Variants in ROBO2 observed in about 807,000 individuals in gnomAD.
ROBO2 encodes roundabout homolog 2.
ROBO2 carries 53 observed loss-of-function variants against 160.8 expected under a neutral mutation model. The observed-to-expected ratio is 0.33, with a 90% CI of 0.26 to 0.41. The LOEUF is 0.41. ROBO2 is among the 10% of genes least tolerant of loss of function. ROBO2 has a pLI of 1.00. For synonymous variants in ROBO2, 664 were observed against 611.7 expected (o/e 1.09, Z -1.26); for missense variants, 1,577 against 1,722.4 (o/e 0.92, Z 1.49).
chr3:76,411,299 G>C (rs1293480388), intron 2 of ROBO2, among the ~76,000 whole-genome samples: 1 of 152,112 alleles, frequency 6.6e-6, no homozygotes, highest in East Asian at 1.9e-4. Context: ...CATGGTTCTT[G>C]TTCTCTAGGA....
At chr3:77,449,893 C>A (rs572717616) in intron 2 of ROBO2, among the ~76,000 whole-genome samples, 1 of 151,990 alleles carries the variant, frequency 6.6e-6, no homozygotes, top group Non-Finnish European at 1.5e-5. Context: ...GACCTTCTTG[C>A]GATGCACAAT....
chr3:76,678,612 T>A (rs1422453932), intron 2 of ROBO2, among the ~76,000 whole-genome samples: 1 of 152,200 alleles, frequency 6.6e-6, no homozygotes, highest in Non-Finnish European at 1.5e-5. Flanking sequence ...GTTTTTACAA[T>A]TACTCTTTAT....
At chr3:77,376,154 C>CTTTTTTTTTT (rs11425201) in intron 2 of ROBO2, among the ~76,000 whole-genome samples, 16 of 115,544 alleles carry the variant, frequency 1.4e-4, no homozygotes, top group Admixed American at 4.2e-4. Context: ...ATTTAACTTT[C>CTTTTTTTTTT]TTTTTTTTTT....
At position 77,151,333 on chromosome 3, in the gene ROBO2, G is replaced by A. The variant is rs185025868; in HGVS notation, c.388+52993G>A. 6.8e-3 allele frequency among the ~76,000 whole-genome samples: 1,037 copies of A among 152,092 alleles called. 12 individuals are homozygous for A. The highest frequency in any genetic ancestry group is 7.7e-3 in the Non-Finnish European group (526 of 67,976). ...CTAACTGGATTCAGAAAATGCTACC[G>A]AATTAAAATTATAATTTATCTGGGT... On this transcript the variant is annotated intron_variant, in intron 2 of 25. Transcript: ENST00000461745.
intron 2 of ROBO2, among the ~76,000 whole-genome samples, chr3:76,677,914 C>T (rs1273188891): frequency 7.2e-6 from 1 of 139,552 alleles, no homozygotes; most frequent in Non-Finnish European, 1.5e-5. Flanking sequence ...ACTTTTATGA[C>T]TAACCTATAG....
intron 2 of ROBO2, among the ~76,000 whole-genome samples, chr3:76,687,454 A>G (rs925860006): frequency 6.6e-6 from 1 of 152,028 alleles, no homozygotes; most frequent in African/African-American, 2.4e-5. Context: ...AAGTATGAAC[A>G]CTCCCAGGGC....
At position 76,873,659 on chromosome 3, in the gene ROBO2, G is replaced by C. The variant is rs374498513; in HGVS notation, c.110-224355G>C. Among the ~76,000 whole-genome samples the C allele has an allele frequency of 1.7e-4, 26 of 152,180 alleles. No individual in the cohort carries two copies. In the South Asian group the frequency reaches 5.0e-3, roughly 29 times the overall value. ...TTGCCCAGGATGGTCTCAAACTCCA[G>C]GGCTCAAAGGGTTCTCCTGCTTCAG... On this transcript the variant is annotated intron_variant, in intron 2 of 26. Coordinates refer to the ROBO2 transcript ENST00000487694.
chr3:76,553,313 C>T (rs2083523160), intron 2 of ROBO2, among the ~76,000 whole-genome samples: 1 of 152,032 alleles, frequency 6.6e-6, no homozygotes, highest in Non-Finnish European at 1.5e-5. Context: ...TATCGAATAG[C>T]GTGGAATCAG....
intron 2 of ROBO2, among the ~76,000 whole-genome samples, chr3:76,222,541 C>G (rs1440095510): frequency 1.3e-5 from 2 of 151,414 alleles, no homozygotes; most frequent in African/African-American, 4.9e-5. Context: ...TTCTATCCAG[C>G]AGGAGACTGC....
At chr3:76,136,338 C>T (rs2071428810) in intron 2 of ROBO2, among the ~76,000 whole-genome samples, 1 of 151,838 alleles carries the variant, frequency 6.6e-6, no homozygotes, top group Non-Finnish European at 1.5e-5. Flanking sequence ...ATGCTTCTGT[C>T]TAAACAGTTT....
At chr3:76,730,240 C>A (rs2093616033) in intron 2 of ROBO2, among the ~76,000 whole-genome samples, 1 of 123,570 alleles carries the variant, frequency 8.1e-6, no homozygotes, top group African/African-American at 3.3e-5. Context: ...CTCCTCACCT[C>A]CTACTCCCTA....
At chr3:76,080,150 C>A (rs959826388) in intron 2 of ROBO2, among the ~76,000 whole-genome samples, 12 of 152,078 alleles carry the variant, frequency 7.9e-5, no homozygotes, top group African/African-American at 2.9e-4. Flanking sequence ...TAGTGAGGAC[C>A]AGTAATTCTA....
chr3:76,524,371 CAAAT>C (rs990344196), intron 2 of ROBO2, among the ~76,000 whole-genome samples: 9 of 152,026 alleles, frequency 5.9e-5, no homozygotes, highest in East Asian at 5.8e-4. Flanking sequence ...GCTAAAATGA[CAAAT>C]AACCTCCCAA....
intron 2 of ROBO2, among the ~76,000 whole-genome samples, chr3:76,523,391 T>C (rs2081747659): frequency 6.6e-6 from 1 of 152,178 alleles, no homozygotes; most frequent in African/African-American, 2.4e-5. Flanking sequence ...TCTTGAATTT[T>C]CTGCCTTTTT....
chr3:77,564,668 C>G, intron 11 of ROBO2: 1 of 505,794 alleles, frequency 2.0e-6, no homozygotes, highest in South Asian at 2.0e-5. Flanking sequence ...GTTCCTTTTA[C>G]AGGTATTCAT....
At chr3:76,141,060 C>CATATATATATATATATATAAA (rs55691222) in intron 2 of ROBO2, among the ~76,000 whole-genome samples, 2 of 53,578 alleles carry the variant, frequency 3.7e-5, no homozygotes, top group Non-Finnish European at 7.0e-5. Flanking sequence ...TTTTTACATA[C>CATATATATATATATATATAAA]ATATATATAT....
intron 2 of ROBO2, among the ~76,000 whole-genome samples, chr3:77,365,986 C>G: frequency 6.6e-6 from 1 of 152,026 alleles, no homozygotes; most frequent in East Asian, 1.9e-4. Context: ...TTCTCCATTT[C>G]TTTTTAAAGA....
At chr3:77,540,010 G>A (rs1199304689) in intron 6 of ROBO2, among the ~76,000 whole-genome samples, 2 of 152,166 alleles carry the variant, frequency 1.3e-5, no homozygotes, top group African/African-American at 4.8e-5. Flanking sequence ...TGTCAGGATT[G>A]GAAAATCTTA....
At chr3:77,098,749 G>A (rs796920026) in intron 2 of ROBO2, among the ~76,000 whole-genome samples, 50 of 152,116 alleles carry the variant, frequency 3.3e-4, no homozygotes, top group African/African-American at 1.1e-3. Flanking sequence ...CCAGCTACTC[G>A]GGAGGCTGAG....
Sources: gnomAD v4.1 joint callset for allele counts (sites outside exome capture counted in the v4.1 genomes callset) on GRCh38, gnomAD v4.1.1 for gene constraint, MANE v1.5 for transcripts, NCBI Gene and HGNC (gene_info 2026-07-23, HGNC 2026-07-21) for gene names.